Variants in SLC66A3 observed in about 807,000 individuals in gnomAD.
The protein encoded by SLC66A3 is PQ loop repeat containing 3.
Under a neutral mutation model 25.5 loss-of-function variants are expected in SLC66A3, and 23 were observed. The observed-to-expected ratio is 0.90, with a 90% confidence interval of 0.65 to 1.28. The LOEUF is 1.28. Ranked by LOEUF, SLC66A3 falls within the 50% of genes most tolerant of loss-of-function variation. The pLI, the probability that SLC66A3 is intolerant of heterozygous loss-of-function variation, is 0.00. For missense variants in SLC66A3, 246 were observed against 262.1 expected (o/e 0.94, Z 0.42); for synonymous variants, 108 against 112.6 (o/e 0.96, Z 0.26).
At position 11,177,809 on chromosome 2, in the gene SLC66A3, C is replaced by A; in HGVS notation, c.590C>A (p.Thr197Asn). 6.2e-7 allele frequency: 1 copy of A among 1,605,978 alleles called. No homozygotes were observed. The highest frequency in any genetic ancestry group is 8.5e-7 in the Non-Finnish European group (1 of 1,173,306). ...GTGACAGTACTTCGCTACCGGAAGA[C>A]CGCTATAAAGGCTGAATGATGGATA... ...VTVTVLRYRKTAIKAE is the reference protein window; with the variant it reads ...VTVTVLRYRKNAIKAE Residue 197 changes from threonine (T) to asparagine (N), a missense_variant, in exon 7 of 7, where the codon ACC becomes AAC. This residue lies in a region of SLC66A3 where 93 missense variants were observed against 102.6 expected (regional missense o/e 0.91). Transcript: ENST00000295083.
In SLC66A3 at chr2:11,174,973, A is replaced by C. The variant is rs1329929730; in HGVS notation, c.481A>C (p.Ile161Leu). 1 of 1,608,180 alleles carries C rather than the reference A, an allele frequency of 6.2e-7. No homozygotes were observed. The highest frequency in any genetic ancestry group is 1.1e-5 in the South Asian group (1 of 88,924). The change falls in exon 6 of 7, where the codon ATA becomes CTA. Residue 161 changes from isoleucine to leucine, a missense_variant. Physicochemically the swap from Ile to Leu is conservative, Grantham distance 5 (BLOSUM62 2). Around this residue, in one of 3 missense-constraint regions of SLC66A3, gnomAD observed 93 missense variants for 102.6 expected, o/e 0.91. Transcript: ENST00000295083. ...SLSSYTCATR[I>L]ITTLMTTNDF... ...CTGCAAGTTTTCTTTTACAGCAAGA[A>C]TAATCACAACCTTAATGACCACCAA...
chr2:11,161,769 C>T (rs578177255), intron 3 of SLC66A3, among the ~76,000 whole-genome samples: 84 of 152,386 alleles, frequency 5.5e-4, no homozygotes, highest in Non-Finnish European at 1.0e-3. Context: ...GATCTTTCCA[C>T]CTTGGCTTTC....
intron 1 of SLC66A3, among the ~76,000 whole-genome samples, chr2:11,158,401 A>G (rs1368517855): frequency 6.6e-6 from 1 of 151,948 alleles, no homozygotes; most frequent in East Asian, 1.9e-4. Context: ...AGTGGCTCAC[A>G]CCTGTAATCC....
At chr2:11,176,551 CG>C (rs1187297471) in intron 6 of SLC66A3, among the ~76,000 whole-genome samples, 11 of 66,112 alleles carry the variant, frequency 1.7e-4, no homozygotes, top group African/African-American at 6.0e-4. Flanking sequence ...TTTTTTGAGA[CG>C]GAGTCTCGCT....
rs113629399 is a variant in SLC66A3 at position 11,171,894 on chromosome 2, C to T, written c.355-31C>T. 10 of 1,612,198 alleles carry T rather than the reference C, an allele frequency of 6.2e-6. No individual in the cohort carries two copies. The East Asian group carries it at 6.7e-5, about 11-fold the overall frequency. On this transcript the variant is annotated intron_variant, in intron 4 of 6. Coordinates refer to ENST00000295083, the MANE Select transcript of SLC66A3 (RefSeq NM_152391.5). ...CTTTTGCTTTTTTAACAAATCGACT[C>T]GTGACTTTCTCACATTTTATCTGCA...
chr2:11,169,526 C>T (rs926017947), intron 4 of SLC66A3, among the ~76,000 whole-genome samples: 4 of 152,142 alleles, frequency 2.6e-5, no homozygotes, highest in African/African-American at 9.7e-5. Flanking sequence ...GAATCACTGC[C>T]CACCGGGCTT....
At chr2:11,159,246 C>G (rs537104846) in intron 1 of SLC66A3, among the ~76,000 whole-genome samples, 8 of 152,314 alleles carry the variant, frequency 5.3e-5, no homozygotes, top group East Asian at 1.9e-4. Context: ...CAGCCTCCCC[C>G]TCTGCCAGCC....
chr2:11,177,453 T>A (rs1393189520), intron 6 of SLC66A3, among the ~76,000 whole-genome samples: 2 of 144,550 alleles, frequency 1.4e-5, no homozygotes, highest in Non-Finnish European at 3.0e-5. Flanking sequence ...GGCAAGACTG[T>A]CTCAAAAAAA....
chr2:11,167,379 G>A (rs1366123697), intron 4 of SLC66A3, among the ~76,000 whole-genome samples: 1 of 151,844 alleles, frequency 6.6e-6, no homozygotes, highest in East Asian at 2.0e-4. Context: ...GGAGGCGGAG[G>A]TTGCAGTGAG....
At chr2:11,165,420 T>C (rs1282230985) in intron 4 of SLC66A3, among the ~76,000 whole-genome samples, 1 of 95,700 alleles carries the variant, frequency 1.0e-5, no homozygotes, top group South Asian at 3.7e-4. Flanking sequence ...CTTCCCAGAC[T>C]GGGCAGCCGG....
chr2:11,174,439 C>T (rs1662660797), intron 5 of SLC66A3, among the ~76,000 whole-genome samples: 1 of 152,212 alleles, frequency 6.6e-6, no homozygotes, highest in Non-Finnish European at 1.5e-5. Flanking sequence ...TACCTTCCCT[C>T]ATGAGCAGTT....
chr2:11,159,887 T>A (rs1373720072), intron 1 of SLC66A3, among the ~76,000 whole-genome samples: 1 of 152,128 alleles, frequency 6.6e-6, no homozygotes, highest in Non-Finnish European at 1.5e-5. Flanking sequence ...TTAGCGAAAT[T>A]GAGGGTGGTT....
At chr2:11,164,114 C>T (rs144883402) in intron 3 of SLC66A3, 90 bp from the exon 4 acceptor site, 40 of 765,028 alleles carry the variant, frequency 5.2e-5, no homozygotes, top group Middle Eastern at 4.7e-4. Context: ...TTCTGCGTGC[C>T]GCTGTCTGTG....
chr2:11,162,678 C>T (rs185512737), intron 3 of SLC66A3, among the ~76,000 whole-genome samples: 2 of 152,232 alleles, frequency 1.3e-5, no homozygotes, highest in Admixed American at 6.5e-5. Flanking sequence ...GCCATCTCAG[C>T]GCACTGCAAG....
In SLC66A3 at chr2:11,160,537, T is replaced by C. The variant is rs1662081491; in HGVS notation, c.215T>C (p.Leu72Pro). The C allele has an allele frequency of 6.2e-7, 1 of 1,614,032 alleles. No individual in the cohort carries two copies. Among genetic ancestry groups the C allele is most frequent in the African/African-American group, 1.3e-5 (1 of 74,896 alleles). The change falls in exon 2 of 7, where the codon CTC becomes CCC. Residue 72 changes from leucine to proline, a missense_variant. Leu to Pro is a moderately conservative substitution (Grantham distance 98). Around this residue, in one of 3 missense-constraint regions of SLC66A3, gnomAD observed 142 missense variants for 130.3 expected, o/e 1.09. Coordinates refer to ENST00000295083, the MANE Select transcript of SLC66A3 (RefSeq NM_152391.5). ...CTGACCTACCTGGAGTACCCCATCCTCATCGCGCAAGGTAACAGCCCCTTC... is the reference window on the plus strand; with the variant it reads ...CTGACCTACCTGGAGTACCCCATCCCCATCGCGCAAGGTAACAGCCCCTTC... ...PPLTYLEYPILIAQDVILLLC... is the reference protein window; with the variant it reads ...PPLTYLEYPIPIAQDVILLLC...
chr2:11,176,319 A>C (rs548041774), intron 6 of SLC66A3, among the ~76,000 whole-genome samples: 24 of 143,294 alleles, frequency 1.7e-4, no homozygotes, highest in Middle Eastern at 8.1e-3. Context: ...GGGTTCAAGC[A>C]ATTCTCCTGC....
Position 11,160,403 on chromosome 2 carries a change from C to T in SLC66A3, c.144-63C>T, listed in dbSNP as rs1211400741. On this transcript the variant is annotated intron_variant, in intron 1 of 6. Coordinates refer to ENST00000295083, the MANE Select transcript of SLC66A3 (RefSeq NM_152391.5). ...CAAACTGACCTCAGTGTTCTGGTGC[C>T]TGCCAGGCCCCGACAGCTGCGTTTT... 5 of 1,456,070 alleles carry T rather than the reference C, an allele frequency of 3.4e-6. No homozygotes were observed. In the African/African-American group the frequency reaches 7.0e-5, roughly 20 times the overall value. The allele number at this position is 1,456,070 out of a possible 1,614,324, so 90.2% of individuals were successfully genotyped here.
intron 4 of SLC66A3, among the ~76,000 whole-genome samples, chr2:11,167,720 G>T (rs565673776): frequency 1.3e-5 from 2 of 152,272 alleles, no homozygotes; most frequent in African/African-American, 4.8e-5. Flanking sequence ...AGGTGGCCCA[G>T]ATCTGAGGGT....
chr2:11,157,349 G>C (rs570702461), intron 1 of SLC66A3, among the ~76,000 whole-genome samples: 1 of 152,248 alleles, frequency 6.6e-6, no homozygotes, highest in Admixed American at 6.5e-5. Flanking sequence ...GGTAAAGGGG[G>C]CTCTGTCGGG....
Sources: allele counts gnomAD v4.1 joint callset (sites outside exome capture counted in the v4.1 genomes callset), GRCh38; gene constraint gnomAD v4.1.1; regional missense constraint gnomAD v4.1.1; transcripts MANE v1.5; gene names NCBI Gene and HGNC (gene_info 2026-07-23, HGNC 2026-07-21).